The following SPTAN1 variants were observed in gnomAD, a reference collection of about 807,000 sequenced individuals.
SPTAN1 encodes the protein spectrin alpha, non-erythrocytic 1, also known as spectrin alpha chain, non-erythrocytic 1.
A neutral mutation model predicts 331.3 loss-of-function variants in SPTAN1; 61 were observed. The ratio of observed to expected loss-of-function variants is 0.18; its 90% CI spans 0.15 to 0.23. The LOEUF (loss-of-function observed/expected upper bound fraction) is 0.23, where lower values mean the gene tolerates loss of function less well. Ranked by LOEUF, SPTAN1 falls within the 10% of genes least tolerant of loss-of-function variation. The pLI, the probability that SPTAN1 is intolerant of heterozygous loss-of-function variation, is 1.00. For synonymous variants in SPTAN1, 1,153 were observed against 1,173.9 expected, an observed-to-expected ratio of 0.98 and a Z score of 0.36; for missense variants, 2,043 against 3,147.9, an observed-to-expected ratio of 0.65 and a Z score of 8.40.
Position 128,633,236 on chromosome 9 carries a change from T to C in SPTAN1, c.7336T>C (p.Cys2446Arg). The C allele has an allele frequency of 6.2e-7, 1 of 1,614,034 alleles. No individual in the cohort carries two copies. The highest frequency in any genetic ancestry group is 8.5e-7 in the Non-Finnish European group (1 of 1,180,020). Residue 2446 changes from cysteine to arginine, a missense_variant, in exon 57 of 57, where the codon TGC (cysteine) becomes CGC (arginine). By Grantham distance (180) the Cys-to-Arg change is radical (BLOSUM62 -3). Transcript: ENST00000372739. The part of the protein sequence containing the change: ...QNLTREQADY[C>R]VSHMKPYVDG... ...CCTGACCCGGGAACAAGCCGACTAC[T>C]GCGTCTCCCACATGAAGCCCTACGT...
chr9:128,609,541 A>T (rs568218179), intron 36 of SPTAN1, 110 bp from the exon 37 acceptor site: 1 of 1,032,470 alleles, frequency 9.7e-7, no homozygotes, highest in East Asian at 2.6e-5. Flanking sequence ...ACTGTTCCCA[A>T]ATGCTGAGCT....
intron 1 of SPTAN1, among the ~76,000 whole-genome samples, chr9:128,562,734 G>A (rs1476048559): frequency 6.6e-6 from 1 of 151,832 alleles, no homozygotes; most frequent in Non-Finnish European, 1.5e-5. Context: ...GGAGGCCAAG[G>A]TGGGCGGATC....
chr9:128,628,731 G>A (rs751584176), intron 51 of SPTAN1: 10 of 171,754 alleles, frequency 5.8e-5, no homozygotes, highest in Middle Eastern at 2.5e-3. Flanking sequence ...TAGGCGGCCA[G>A]GGGAGAAATA....
At chr9:128,579,812 C>A in intron 10 of SPTAN1, 74 bp downstream of exon 10, 1 of 1,198,814 alleles carries the variant, frequency 8.3e-7, no homozygotes, top group Non-Finnish European at 1.2e-6. Flanking sequence ...TATTATTCAT[C>A]CTTAAATATC....
Position 128,584,494 on chromosome 9 carries a change from G to C in SPTAN1, c.2406G>C (p.Glu802Asp). The C allele has an allele frequency of 6.2e-7, 1 of 1,614,180 alleles. No individual in the cohort carries two copies. Among genetic ancestry groups the C allele is most frequent in the South Asian group, 1.1e-5 (1 of 91,080 alleles). ...AGGATGAGGAGACGTGGATTCGAGAGAAAGAGCCCATTGCCGCATCTACCA... is the reference window on the plus strand; with the variant it reads ...AGGATGAGGAGACGTGGATTCGAGACAAAGAGCCCATTGCCGCATCTACCA... Reference protein sequence around the residue: ...DVEDEETWIREKEPIAASTNR... With the variant: ...DVEDEETWIRDKEPIAASTNR... Residue 802 changes from glutamate to aspartate, a missense_variant, in exon 17 of 57, where the codon GAG becomes GAC. Physicochemically the swap from Glu to Asp is conservative, Grantham distance 45. Transcript: ENST00000372739.
intron 24 of SPTAN1, among the ~76,000 whole-genome samples, chr9:128,594,804 C>CTTTTTTTTTTTTTTTTTTTTTTATTTTTT (rs10594067): frequency 2.2e-5 from 2 of 90,562 alleles, no homozygotes; most frequent in Non-Finnish European, 4.4e-5. Context: ...ATGTATGTAG[C>CTTTTTTTTTTTTTTTTTTTTTTATTTTTT]TTTTTTTTTT....
chr9:128,584,365 G>A lies in SPTAN1; in HGVS notation c.2277G>A (p.Gln759=), dbSNP rs746674327. 3.7e-5 allele frequency: 60 copies of A among 1,614,072 alleles called. No homozygotes were observed. The highest frequency in any genetic ancestry group is 4.7e-5 in the Non-Finnish European group (56 of 1,180,048). ...ATGCAGAAAACATCAAGAAGAAACA[G>A]GAAGCCCTCGTGGCTCGCTATGAGG... is the stretch of plus-strand genomic sequence containing the variant. The part of the protein sequence containing the change: ...HFDAENIKKK[Q]EALVARYEAL... The change falls in exon 17 of 57, where the codon CAG becomes CAA. Residue 759 remains glutamine, a synonymous_variant. Transcript: ENST00000372739.
In SPTAN1 at chr9:128,566,941, A is replaced by T. The variant is rs765540595; in HGVS notation, c.201A>T (p.Ala67=). The T allele has an allele frequency of 2.5e-6, 4 of 1,614,096 alleles. No homozygotes were observed. The highest frequency in any genetic ancestry group is 3.4e-6 in the Non-Finnish European group (4 of 1,180,050). ...EKWIQEKLQI[A]SDENYKDPTN... ...GGATACAGGAAAAACTTCAGATTGC[A>T]TCTGATGAGAATTATAAAGACCCAA... The change falls in exon 2 of 57, where the codon GCA becomes GCT. Residue 67 remains alanine (A), a synonymous_variant. Transcript: ENST00000372739.
chr9:128,603,134 T>C (rs190423154), intron 27 of SPTAN1, among the ~76,000 whole-genome samples: 296 of 151,982 alleles, frequency 1.9e-3, no homozygotes, highest in Admixed American at 3.2e-3. Flanking sequence ...AAGTGATTAT[T>C]AGAGCTCCTG....
chr9:128,577,276 G>A lies in SPTAN1; in HGVS notation c.930+3G>A. The stretch of plus-strand genomic sequence containing the variant: ...ATCTTGCTGCTCTAGAAGACAAGGT[G>A]GGTTTTACAAGCAGCTGATTCTGTA... On this transcript the variant is annotated splice_donor_region_variant and intron_variant, in intron 7 of 56. Coordinates refer to ENST00000372739, the MANE Select transcript of SPTAN1 (RefSeq NM_001130438.3). The surrounding 1 kb of genome is among the most constrained non-coding windows in gnomAD (Gnocchi z 4.2). 2 of 1,614,218 alleles carry A rather than the reference G, an allele frequency of 1.2e-6. No individual in the cohort carries two copies. The highest frequency in any genetic ancestry group is 4.5e-5 in the East Asian group (2 of 44,890).
chr9:128,572,719 G>A (rs1299115665), intron 3 of SPTAN1, among the ~76,000 whole-genome samples: 2 of 152,198 alleles, frequency 1.3e-5, no homozygotes, highest in Admixed American at 6.5e-5. Flanking sequence ...GTGAGGGCAT[G>A]TCTGTGTCCT....
chr9:128,615,938 C>A, intron 41 of SPTAN1, 98 bp downstream of exon 41: 2 of 1,336,256 alleles, frequency 1.5e-6, no homozygotes, highest in Non-Finnish European at 2.1e-6. Context: ...GGAAACCCTG[C>A]TGGACTGGGA....
intron 1 of SPTAN1, among the ~76,000 whole-genome samples, chr9:128,559,658 G>A (rs962311035): frequency 6.6e-6 from 1 of 151,974 alleles, no homozygotes; most frequent in Admixed American, 6.6e-5. Context: ...TTTCCTGAGG[G>A]TTGAGAACAA....
intron 2 of SPTAN1, among the ~76,000 whole-genome samples, chr9:128,568,102 T>G (rs957003654): frequency 6.6e-6 from 1 of 152,212 alleles, no homozygotes; most frequent in Non-Finnish European, 1.5e-5. Context: ...TCTTCTCACT[T>G]ATTTCAGTGA....
Position 128,576,846 on chromosome 9 carries a change from G to T in SPTAN1, c.675G>T (p.Leu225=), listed in dbSNP as rs1851361943. The T allele has an allele frequency of 6.2e-7, 1 of 1,613,972 alleles. No homozygotes were observed. Among genetic ancestry groups the T allele is most frequent in the South Asian group, 1.1e-5 (1 of 91,064 alleles). The part of the protein sequence containing the change: ...LIQEQHPEEE[L]IKTKQDEVNA... ...AGGAGCAGCACCCTGAGGAGGAACT[G>T]ATCAAGACTAAGCAGGATGAAGTCA... is the stretch of plus-strand genomic sequence containing the variant. Residue 225 remains leucine (L), a synonymous_variant, in exon 6 of 57, where the codon CTG becomes CTT. Coordinates refer to ENST00000372739, the MANE Select transcript of SPTAN1 (RefSeq NM_001130438.3).
chr9:128,631,057 C>A (rs924339537), intron 52 of SPTAN1, among the ~76,000 whole-genome samples: 2 of 152,028 alleles, frequency 1.3e-5, no homozygotes, highest in East Asian at 3.9e-4. Flanking sequence ...GTTGGCCAGG[C>A]CGGTCTGGAA....
chr9:128,598,022 C>T (rs1278553142), intron 24 of SPTAN1, among the ~76,000 whole-genome samples: 3 of 151,968 alleles, frequency 2.0e-5, no homozygotes, highest in Non-Finnish European at 2.9e-5. Context: ...AATCTCAGCT[C>T]ACCGCAACCT....
intron 24 of SPTAN1, among the ~76,000 whole-genome samples, chr9:128,597,091 C>T (rs536976023): frequency 1.2e-4 from 18 of 152,162 alleles, no homozygotes; most frequent in East Asian, 5.8e-4. Context: ...ACCCGGGAGG[C>T]GGAGGTTGCA....
At chr9:128,617,966 C>CTCCTCG in intron 42 of SPTAN1, 21 bp from the exon 43 acceptor site, 1 of 1,614,160 alleles carries the variant, frequency 6.2e-7, no homozygotes, top group South Asian at 1.1e-5. Context: ...TGCTGTTAAC[C>CTCCTCG]TCCTCGTCCT....
Sources: allele counts gnomAD v4.1 joint callset (sites outside exome capture counted in the v4.1 genomes callset), GRCh38; gene constraint gnomAD v4.1.1; non-coding constraint Gnocchi (gnomAD v3.1); transcripts MANE v1.5; gene names NCBI Gene and HGNC (gene_info 2026-07-23, HGNC 2026-07-21).